Variants in KLHL1 observed in about 807,000 individuals in gnomAD.
KLHL1 encodes kelch-like protein 1.
KLHL1 carries 47 observed loss-of-function variants against 77.7 expected under a neutral mutation model. The ratio of observed to expected loss-of-function variants is 0.60; its 90% confidence interval spans 0.48 to 0.77. The LOEUF (loss-of-function observed/expected upper bound fraction) is 0.77, where lower values mean the gene tolerates loss of function less well. KLHL1 is among the 30% of genes least tolerant of loss of function. The pLI is 0.00. For missense variants in KLHL1, 925 were observed against 910.8 expected (o/e 1.02, Z -0.20); for synonymous variants, 360 against 325.2 (o/e 1.11, Z -1.15).
At chr13:69,774,231 G>A (rs74432327) in intron 7 of KLHL1, among the ~76,000 whole-genome samples, 5,516 of 151,712 alleles carry the variant, frequency 0.036, 128 homozygotes, top group Middle Eastern at 0.068. Flanking sequence ...CAAACTCACA[G>A]ATACAAATAG....
intron 8 of KLHL1, among the ~76,000 whole-genome samples, chr13:69,721,902 C>A (rs963896660): frequency 1.3e-5 from 2 of 151,990 alleles, no homozygotes; most frequent in African/African-American, 4.8e-5. Context: ...ATTTAGCTTG[C>A]AAAAGCACCC....
At chr13:69,962,119 C>T (rs1593990965) in intron 2 of KLHL1, among the ~76,000 whole-genome samples, 2 of 151,898 alleles carry the variant, frequency 1.3e-5, no homozygotes, top group African/African-American at 2.4e-5. Context: ...AAATATCTAT[C>T]CCTATATTCA....
At chr13:69,791,805 A>G (rs1293673214) in intron 7 of KLHL1, among the ~76,000 whole-genome samples, 11 of 152,206 alleles carry the variant, frequency 7.2e-5, no homozygotes, top group African/African-American at 2.7e-4. Flanking sequence ...TTAAGACCTT[A>G]AATGTTTGAA....
intron 1 of KLHL1, among the ~76,000 whole-genome samples, chr13:70,053,963 T>C (rs962811399): frequency 2.0e-5 from 3 of 152,280 alleles, no homozygotes; most frequent in African/African-American, 4.8e-5. Context: ...GTCTGCTTCC[T>C]GATCCTGAAT....
chr13:69,786,057 CA>C (rs1159609822), intron 7 of KLHL1, among the ~76,000 whole-genome samples: 2 of 152,172 alleles, frequency 1.3e-5, no homozygotes, highest in African/African-American at 4.8e-5. Context: ...GATGGATTCA[CA>C]GCCGAATTCT....
chr13:69,950,630 A>G (rs903646951), intron 3 of KLHL1, among the ~76,000 whole-genome samples: 1 of 151,718 alleles, frequency 6.6e-6, no homozygotes, highest in Non-Finnish European at 1.5e-5. Context: ...CTTAAGTAAC[A>G]TAATTTGTCT....
chr13:69,975,127 C>A (rs185314202), intron 2 of KLHL1, among the ~76,000 whole-genome samples: 21 of 152,010 alleles, frequency 1.4e-4, no homozygotes, highest in Middle Eastern at 3.4e-3. Flanking sequence ...AAAATAATAT[C>A]AGTATGACAC....
At chr13:69,753,815 T>C (rs1200464838) in intron 7 of KLHL1, among the ~76,000 whole-genome samples, 1 of 150,044 alleles carries the variant, frequency 6.7e-6, no homozygotes, top group Non-Finnish European at 1.5e-5. Context: ...TCCATGTTCA[T>C]TTTCCATAAT....
At chr13:69,881,563 T>C (rs1374146890) in intron 5 of KLHL1, among the ~76,000 whole-genome samples, 3 of 152,174 alleles carry the variant, frequency 2.0e-5, no homozygotes, top group Non-Finnish European at 2.9e-5. Flanking sequence ...GAATTAACAA[T>C]GCTGTACATA....
At chr13:69,746,599 AG>A (rs1277416327) in intron 7 of KLHL1, among the ~76,000 whole-genome samples, 3 of 151,584 alleles carry the variant, frequency 2.0e-5, no homozygotes, top group East Asian at 1.9e-4. Flanking sequence ...TTGTTTAATC[AG>A]TTTTTTTTCT....
At chr13:70,013,637 C>A (rs1433595249) in intron 1 of KLHL1, among the ~76,000 whole-genome samples, 2 of 151,808 alleles carry the variant, frequency 1.3e-5, no homozygotes, top group Non-Finnish European at 2.9e-5. Context: ...ATTATGTTTC[C>A]TTAGAATTGC....
At chr13:69,735,787 A>G (rs1224314011) in intron 8 of KLHL1, among the ~76,000 whole-genome samples, 1 of 151,834 alleles carries the variant, frequency 6.6e-6, no homozygotes, top group Non-Finnish European at 1.5e-5. Context: ...TTACAGGGAA[A>G]ATTCTGAAGG....
In KLHL1 at chr13:69,810,500, A is replaced by G. The variant is rs145155899; in HGVS notation, c.1415-13538T>C. On this transcript the variant is annotated intron_variant, in intron 6 of 10. Transcript: ENST00000377844. ...TTTTAAAAAACAAATGAAAATAGAG[A>G]CAACATTCCACAACCTCTGAGGTGC... Among the ~76,000 whole-genome samples, 179 of 152,186 alleles carry G rather than the reference A, an allele frequency of 1.2e-3. 3 individuals carry two copies. The East Asian group carries it at 0.033, about 28-fold the overall frequency.
intron 4 of KLHL1, among the ~76,000 whole-genome samples, chr13:69,923,051 A>G (rs1476193016): frequency 2.0e-5 from 3 of 152,158 alleles, no homozygotes; most frequent in Non-Finnish European, 4.4e-5. Context: ...ATGGAAGCAA[A>G]TGCAACCCTC....
chr13:69,816,484 G>A (rs1255689193), intron 6 of KLHL1, among the ~76,000 whole-genome samples: 2 of 151,548 alleles, frequency 1.3e-5, no homozygotes, highest in Non-Finnish European at 2.9e-5. Context: ...GGCTGGTCTT[G>A]AACTCCTGCC....
At position 70,071,859 on chromosome 13, in the gene KLHL1, A is replaced by G. The variant is rs974812355; in HGVS notation, c.497+35344T>C. On this transcript the variant is annotated intron_variant, in intron 1 of 10. Transcript: ENST00000377844. The stretch of plus-strand genomic sequence containing the variant: ...ATACAGCAAAATTGGAAGTATGTCT[A>G]TAAAGACCTAAAATTAATAATCTAT... 5.9e-5 allele frequency among the ~76,000 whole-genome samples: 9 copies of G among 152,120 alleles called. 1 individual carries two copies. Among genetic ancestry groups the G allele is most frequent in the East Asian group, 3.8e-4 (2 of 5,200 alleles).
chr13:69,705,517 A>G (rs1469321200), intron 10 of KLHL1, among the ~76,000 whole-genome samples: 1 of 151,730 alleles, frequency 6.6e-6, no homozygotes, highest in Non-Finnish European at 1.5e-5. Flanking sequence ...CTTACAGGAC[A>G]TATGGAGTGA....
intron 1 of KLHL1, among the ~76,000 whole-genome samples, chr13:70,044,358 C>T (rs1016063858): frequency 2.0e-4 from 31 of 152,182 alleles, no homozygotes; most frequent in African/African-American, 6.8e-4. Context: ...ATCAGCCAGT[C>T]TGTCTAGAAT....
intron 7 of KLHL1, among the ~76,000 whole-genome samples, chr13:69,756,113 G>C (rs975330300): frequency 3.9e-5 from 6 of 152,080 alleles, no homozygotes; most frequent in African/African-American, 1.4e-4. Flanking sequence ...AGCCACATAA[G>C]TAAGTTGACC....
Sources: gnomAD v4.1 joint callset for allele counts (sites outside exome capture counted in the v4.1 genomes callset) on GRCh38, gnomAD v4.1.1 for gene constraint, MANE v1.5 for transcripts, NCBI Gene and HGNC (gene_info 2026-07-23, HGNC 2026-07-21) for gene names.